Variants in CNNM2 observed in about 807,000 individuals in gnomAD.
The protein encoded by CNNM2 is cyclin and CBS domain divalent metal cation transport mediator 2, also known as metal transporter CNNM2.
In CNNM2, 12 loss-of-function variants were observed where a neutral mutation model predicts 66.9. The observed-to-expected ratio is 0.18, with a 90% confidence interval of 0.11 to 0.29. The LOEUF is 0.29. Ranked by LOEUF, CNNM2 falls within the 10% of genes least tolerant of loss-of-function variation. CNNM2 has a pLI of 1.00. For synonymous variants in CNNM2, 557 were observed against 501.8 expected, an observed-to-expected ratio of 1.11 and a Z score of -1.47; for missense variants, 705 against 1,167.7, an observed-to-expected ratio of 0.60 and a Z score of 5.77.
chr10:102,972,442 C>T (rs1019869388), intron 1 of CNNM2, among the ~76,000 whole-genome samples: 5 of 152,024 alleles, frequency 3.3e-5, no homozygotes, highest in Non-Finnish European at 7.4e-5. Flanking sequence ...CAAGACCATC[C>T]TGGCTAACAT....
At position 103,088,981 on chromosome 10, in the gene CNNM2, G is replaced by T. The variant is rs2066051749; in HGVS notation, c.*11801G>T. 4.8e-6 allele frequency: 1 copy of T among 209,318 alleles called. No homozygotes were observed. Among genetic ancestry groups the T allele is most frequent in the African/African-American group, 2.3e-5 (1 of 43,994 alleles). 13.0% of individuals were successfully genotyped at this position (209,318 alleles called of 1,614,324 possible). A position where few individuals can be genotyped will look rare whatever the true frequency, so the allele number is the denominator to read the frequency against. On this transcript the variant is annotated 3_prime_UTR_variant, in exon 8 of 8. Coordinates refer to ENST00000369878, the MANE Select transcript of CNNM2 (RefSeq NM_017649.5). ...CTATAGATTTATCACAGATAAGAAGGAGGTTGTTTTTGGATAACAAATAAG... is the reference window on the plus strand; with the variant it reads ...CTATAGATTTATCACAGATAAGAAGTAGGTTGTTTTTGGATAACAAATAAG...
chr10:103,027,673 T>C (rs2064733357), intron 1 of CNNM2, among the ~76,000 whole-genome samples: 1 of 152,242 alleles, frequency 6.6e-6, no homozygotes, highest in South Asian at 2.1e-4. Flanking sequence ...CTTATAGCTG[T>C]ATAATTCCAA....
chr10:103,066,115 C>T (rs1451069024), intron 4 of CNNM2, among the ~76,000 whole-genome samples: 1 of 152,182 alleles, frequency 6.6e-6, no homozygotes, highest in African/African-American at 2.4e-5. Context: ...GAGGCCCTGA[C>T]CGTCCTTGCC....
chr10:102,926,747 G>T (rs1258993261), intron 1 of CNNM2, among the ~76,000 whole-genome samples: 1 of 124,454 alleles, frequency 8.0e-6, no homozygotes, highest in African/African-American at 3.1e-5. Flanking sequence ...ATGGAGTCTC[G>T]CACTGTTGCC....
At chr10:102,976,978 C>T (rs1289480731) in intron 1 of CNNM2, among the ~76,000 whole-genome samples, 4 of 152,150 alleles carry the variant, frequency 2.6e-5, no homozygotes. Flanking sequence ...TGCAGCTTGA[C>T]TATTAACACT....
chr10:102,970,061 A>G (rs1187229126), intron 1 of CNNM2, among the ~76,000 whole-genome samples: 3 of 152,258 alleles, frequency 2.0e-5, no homozygotes, highest in African/African-American at 7.2e-5. Flanking sequence ...TGAGATTTGT[A>G]AAATTATCCT....
rs993347843 is a variant in CNNM2, at chr10:103,078,451, C to T, written c.*1271C>T. ...GAGAGGCTGCCTGTACAGCCAGGGT[C>T]AGTTTGGCCCCAAACAGGGATTCAG... is the stretch of plus-strand genomic sequence containing the variant. On this transcript the variant is annotated 3_prime_UTR_variant, in exon 8 of 8. Coordinates refer to ENST00000369878, the MANE Select transcript of CNNM2 (RefSeq NM_017649.5). The T allele has an allele frequency of 3.3e-5, 5 of 152,356 alleles. No individual in the cohort carries two copies. Among genetic ancestry groups the T allele is most frequent in the African/African-American group, 7.2e-5 (3 of 41,580 alleles). 9.4% of individuals were successfully genotyped at this position (152,356 alleles called of 1,614,324 possible).
chr10:102,927,785 G>A (rs1845925320), intron 1 of CNNM2, among the ~76,000 whole-genome samples: 2 of 152,116 alleles, frequency 1.3e-5, no homozygotes, highest in Admixed American at 6.5e-5. Context: ...GCAGGCTTTC[G>A]AAGGAGGAAC....
At chr10:103,022,866 CAA>C (rs1491404777) in intron 1 of CNNM2, among the ~76,000 whole-genome samples, 1 of 152,114 alleles carries the variant, frequency 6.6e-6, no homozygotes, top group East Asian at 1.9e-4. Flanking sequence ...TATCACATGG[CAA>C]GAGAGAGAGC....
At chr10:102,978,531 T>C (rs149355689) in intron 1 of CNNM2, among the ~76,000 whole-genome samples, 2 of 152,292 alleles carry the variant, frequency 1.3e-5, no homozygotes, top group East Asian at 1.9e-4. Flanking sequence ...TTTTATAGCA[T>C]ATTATGGCTG....
chr10:103,061,521 A>T (rs1375051761), intron 4 of CNNM2, among the ~76,000 whole-genome samples: 1 of 152,208 alleles, frequency 6.6e-6, no homozygotes, highest in African/African-American at 2.4e-5. Flanking sequence ...ATAAAAGGAA[A>T]AAAAAGTTCT....
At position 103,089,653 on chromosome 10, in the gene CNNM2, G is replaced by A. The variant is rs1183039947; in HGVS notation, c.*12473G>A. ...GCCAGGACTTGTTTAATGGGTGCTTGGGGTTTTGGTTTTCCTCCTTATTCT... is the reference window on the plus strand; with the variant it reads ...GCCAGGACTTGTTTAATGGGTGCTTAGGGTTTTGGTTTTCCTCCTTATTCT... On this transcript the variant is annotated 3_prime_UTR_variant, in exon 8 of 8. Transcript: ENST00000369878. 1.3e-6 allele frequency: 2 copies of A among 1,575,360 alleles called. No homozygotes were observed. Among genetic ancestry groups the A allele is most frequent in the African/African-American group, 2.7e-5 (2 of 73,870 alleles).
chr10:102,939,471 T>C (rs1049013246), intron 1 of CNNM2, among the ~76,000 whole-genome samples: 2 of 152,192 alleles, frequency 1.3e-5, no homozygotes, highest in Non-Finnish European at 2.9e-5. Flanking sequence ...CCCTTTACTG[T>C]TTTTAGCTGT....
chr10:102,975,930 G>T (rs964925800), intron 1 of CNNM2, among the ~76,000 whole-genome samples: 4 of 152,126 alleles, frequency 2.6e-5, no homozygotes, highest in Non-Finnish European at 4.4e-5. Context: ...TTCACCATAG[G>T]GGAGAAGAGA....
intron 1 of CNNM2, among the ~76,000 whole-genome samples, chr10:102,984,533 T>A (rs1166977789): frequency 6.6e-6 from 1 of 152,186 alleles, no homozygotes; most frequent in African/African-American, 2.4e-5. Context: ...CAGGAAAATT[T>A]TTTGATGTTA....
At chr10:102,954,409 G>A (rs1007541454) in intron 1 of CNNM2, among the ~76,000 whole-genome samples, 7 of 151,978 alleles carry the variant, frequency 4.6e-5, no homozygotes, top group South Asian at 2.1e-4. Flanking sequence ...ATGAGACACC[G>A]TGCCTGGCCT....
intron 1 of CNNM2, among the ~76,000 whole-genome samples, chr10:103,015,852 CA>C (rs374708835): frequency 6.6e-6 from 1 of 151,782 alleles, no homozygotes; most frequent in Non-Finnish European, 1.5e-5. Flanking sequence ...GACTCCATCT[CA>C]AAAAAACAAC....
chr10:102,996,127 T>C (rs866136834), intron 1 of CNNM2, among the ~76,000 whole-genome samples: 1 of 152,232 alleles, frequency 6.6e-6, no homozygotes, highest in Non-Finnish European at 1.5e-5. Context: ...TTCCCCTCTT[T>C]TTTATTCCTG....
In CNNM2 at chr10:102,980,362, C is replaced by A. The variant is rs547158906; in HGVS notation, c.1621+60261C>A. On this transcript the variant is annotated intron_variant, in intron 1 of 7. Transcript: ENST00000369878. ...TCATAGCTCACTGCAGCCTCAACTT[C>A]CTGGCTTAGGTGATCCTCCCACCTT... is the stretch of plus-strand genomic sequence containing the variant. Among the ~76,000 whole-genome samples, 4 of 150,534 alleles carry A rather than the reference C, an allele frequency of 2.7e-5. No individual in the cohort carries two copies. In the South Asian group the frequency reaches 8.4e-4, roughly 32 times the overall value.
Sources: allele counts gnomAD v4.1 joint callset (sites outside exome capture counted in the v4.1 genomes callset), GRCh38; gene constraint gnomAD v4.1.1; transcripts MANE v1.5; gene names NCBI Gene and HGNC (gene_info 2026-07-23, HGNC 2026-07-21).